The following ARNT2 variants were observed in gnomAD, a reference collection of about 807,000 sequenced individuals.
ARNT2 encodes ARNT protein 2.
ARNT2 carries 36 observed loss-of-function variants against 91.7 expected under a neutral mutation model. The ratio of observed to expected loss-of-function variants is 0.39; its 90% CI spans 0.30 to 0.52. ARNT2 has a LOEUF of 0.52. Ranked by LOEUF, ARNT2 falls within the 20% of genes least tolerant of loss-of-function variation. The pLI is 0.72. For synonymous variants in ARNT2, 365 were observed against 347.1 expected, an observed-to-expected ratio of 1.05 and a Z score of -0.57; for missense variants, 775 against 939.3, an observed-to-expected ratio of 0.83 and a Z score of 2.29.
At chr15:80,538,939 T>G (rs1897864195) in intron 8 of ARNT2, among the ~76,000 whole-genome samples, 1 of 152,100 alleles carries the variant, frequency 6.6e-6, no homozygotes, top group Admixed American at 6.5e-5. Flanking sequence ...TAACTTAGAT[T>G]TTTATGTGTC....
chr15:80,526,337 G>A (rs1284483829), intron 8 of ARNT2, among the ~76,000 whole-genome samples: 6 of 152,210 alleles, frequency 3.9e-5, no homozygotes, highest in African/African-American at 1.2e-4. Flanking sequence ...TGTGGGGTGC[G>A]TTCAGAGTTC....
intron 1 of ARNT2, among the ~76,000 whole-genome samples, chr15:80,429,351 C>T (rs956060846): frequency 7.2e-5 from 11 of 152,274 alleles, no homozygotes; most frequent in East Asian, 5.8e-4. Flanking sequence ...TTTAATCTCT[C>T]GCACCTTCAC....
chr15:80,406,696 G>T (rs1243348502), intron 1 of ARNT2, among the ~76,000 whole-genome samples: 1 of 152,132 alleles, frequency 6.6e-6, no homozygotes, highest in Non-Finnish European at 1.5e-5. Flanking sequence ...ACAAGCATAG[G>T]GTATTGTTGG....
intron 6 of ARNT2, among the ~76,000 whole-genome samples, chr15:80,510,096 G>A (rs1897321231): frequency 6.6e-6 from 1 of 152,226 alleles, no homozygotes; most frequent in South Asian, 2.1e-4. Context: ...TGATTCAGGT[G>A]AGAAATGTGA....
chr15:80,589,405 T>C (rs560948029), intron 17 of ARNT2, among the ~76,000 whole-genome samples: 3 of 152,192 alleles, frequency 2.0e-5, no homozygotes, highest in South Asian at 2.1e-4. Context: ...AGGTATGTAC[T>C]TTAAGGAGGA....
chr15:80,404,512 C>T lies in ARNT2; in HGVS notation c.-4C>T, dbSNP rs1363636344. 6 of 1,234,990 alleles carry T rather than the reference C, an allele frequency of 4.9e-6. No homozygotes were observed. The South Asian group carries it at 6.3e-5, about 13-fold the overall frequency. The allele number at this position is 1,234,990 out of a possible 1,614,324, so 76.5% of individuals were successfully genotyped here. A position where few individuals can be genotyped will look rare whatever the true frequency, so the allele number is the denominator to read the frequency against. ...CAAGCGGGCGCCTATCCTCTCCGAG[C>T]AAGATGGCAACCCCGGCGGCGGTCA... On this transcript the variant is annotated 5_prime_UTR_variant, in exon 1 of 19. Transcript: ENST00000303329. This position sits in a 1 kb window ranked among gnomAD's most constrained non-coding sequence, Gnocchi z 5.5.
intron 15 of ARNT2, chr15:80,580,031 G>A (rs1898762028): frequency 1.1e-5 from 2 of 182,844 alleles, no homozygotes; most frequent in African/African-American, 4.6e-5. Flanking sequence ...ACAAAAGAGT[G>A]AGTGAACAGT....
chr15:80,507,605 G>A (rs1897292321), intron 5 of ARNT2, among the ~76,000 whole-genome samples: 1 of 152,140 alleles, frequency 6.6e-6, no homozygotes, highest in South Asian at 2.1e-4. Context: ...TCAAAACCTG[G>A]GTGTGGATAA....
At chr15:80,479,672 T>C (rs376455306) in intron 5 of ARNT2, among the ~76,000 whole-genome samples, 39 of 152,284 alleles carry the variant, frequency 2.6e-4, no homozygotes, top group African/African-American at 7.9e-4. Flanking sequence ...TGGAGGCAGA[T>C]TGGAGGAGGG....
chr15:80,505,186 G>T (rs1192973169), intron 5 of ARNT2, among the ~76,000 whole-genome samples: 1 of 152,150 alleles, frequency 6.6e-6, no homozygotes, highest in Non-Finnish European at 1.5e-5. Context: ...TTGCAATAGA[G>T]AAAACCATGG....
At chr15:80,522,987 T>C (rs569497748) in intron 8 of ARNT2, among the ~76,000 whole-genome samples, 166 of 152,136 alleles carry the variant, frequency 1.1e-3, no homozygotes, top group Non-Finnish European at 2.0e-3. Flanking sequence ...GCTTTATAGA[T>C]CCAGAAAGTC....
chr15:80,432,512 C>T lies in ARNT2; in HGVS notation c.32-18368C>T, dbSNP rs115485468. Among the ~76,000 whole-genome samples the T allele has an allele frequency of 1.9e-3, 282 of 152,352 alleles. 1 individual carries two copies. The highest frequency in any genetic ancestry group is 6.5e-3 in the African/African-American group (271 of 41,576). On this transcript the variant is annotated intron_variant, in intron 1 of 18. Coordinates refer to ENST00000303329, the MANE Select transcript of ARNT2 (RefSeq NM_014862.4). The stretch of plus-strand genomic sequence containing the variant: ...GCATTGAAACACAACCACCCCCACT[C>T]ATTTATAGACTGTGTCTACGGTTGC...
At chr15:80,505,012 A>G (rs1897254175) in intron 5 of ARNT2, among the ~76,000 whole-genome samples, 1 of 152,182 alleles carries the variant, frequency 6.6e-6, no homozygotes, top group Non-Finnish European at 1.5e-5. Flanking sequence ...TTTCCTGACA[A>G]CTAAGAGTGG....
At chr15:80,511,642 A>C (rs757777021) in intron 6 of ARNT2, among the ~76,000 whole-genome samples, 1 of 152,198 alleles carries the variant, frequency 6.6e-6, no homozygotes, top group Non-Finnish European at 1.5e-5. Flanking sequence ...ATTGACATCA[A>C]TAAAATGGTA....
chr15:80,447,734 T>A (rs1896326873), intron 1 of ARNT2, among the ~76,000 whole-genome samples: 1 of 152,222 alleles, frequency 6.6e-6, no homozygotes, highest in South Asian at 2.1e-4. Flanking sequence ...GGAGAGAGAC[T>A]TGTTTTTTCA....
chr15:80,432,240 C>T (rs1896022118), intron 1 of ARNT2, among the ~76,000 whole-genome samples: 1 of 152,204 alleles, frequency 6.6e-6, no homozygotes, highest in Admixed American at 6.5e-5. Context: ...ACGGCAGTGT[C>T]TTGCCATCAG....
At chr15:80,453,975 A>C (rs1394988388) in intron 2 of ARNT2, among the ~76,000 whole-genome samples, 1 of 152,162 alleles carries the variant, frequency 6.6e-6, no homozygotes, top group East Asian at 1.9e-4. Context: ...AATTAGAACC[A>C]ATGTCTTGCA....
rs192515095 is a variant in ARNT2, at chr15:80,588,920, C to T, written c.1919-2648C>T. On this transcript the variant is annotated intron_variant, in intron 17 of 18. Coordinates refer to ENST00000303329, the MANE Select transcript of ARNT2 (RefSeq NM_014862.4). Reference sequence around the variant, plus strand: ...TGCTATATGCTTGTTGAGAGAGGAACGATCTTATTCTCCAGTGTGTGTACA... The same window carrying T: ...TGCTATATGCTTGTTGAGAGAGGAATGATCTTATTCTCCAGTGTGTGTACA... 6.6e-5 allele frequency among the ~76,000 whole-genome samples: 10 copies of T among 152,274 alleles called. No homozygotes were observed. The East Asian group carries it at 1.7e-3, about 26-fold the overall frequency.
intron 15 of ARNT2, among the ~76,000 whole-genome samples, chr15:80,577,380 C>A (rs1250428940): frequency 6.6e-6 from 1 of 152,246 alleles, no homozygotes; most frequent in Non-Finnish European, 1.5e-5. Flanking sequence ...GTCTGAGCCT[C>A]ATCCTAAAGG....
Sources: gnomAD v4.1 joint callset for allele counts (sites outside exome capture counted in the v4.1 genomes callset) on GRCh38, gnomAD v4.1.1 for gene constraint, Gnocchi (gnomAD v3.1) non-coding constraint, MANE v1.5 for transcripts, NCBI Gene and HGNC (gene_info 2026-07-23, HGNC 2026-07-21) for gene names.